The following DLG1 variants were observed in gnomAD, a reference collection of about 807,000 sequenced individuals.
DLG1 encodes the protein discs large MAGUK scaffold protein 1.
Under a neutral mutation model 123.4 loss-of-function variants are expected in DLG1, and 42 were observed. The observed-to-expected ratio is 0.34, with a 90% confidence interval of 0.27 to 0.44. DLG1 has a LOEUF of 0.44. Among genes scored for constraint, DLG1 ranks in the 20% least tolerant of loss-of-function variants. DLG1 has a pLI of 1.00. For synonymous variants in DLG1, 317 were observed against 356.2 expected (o/e 0.89, Z 1.24); for missense variants, 942 against 1,082.6 (o/e 0.87, Z 1.82).
At chr3:197,283,527 C>A (rs967860082) in intron 3 of DLG1, among the ~76,000 whole-genome samples, 1 of 152,102 alleles carries the variant, frequency 6.6e-6, no homozygotes. Flanking sequence ...TATAATAGCA[C>A]AGGATAATTT....
At chr3:197,218,231 G>T (rs1735057790) in intron 4 of DLG1, among the ~76,000 whole-genome samples, 1 of 152,148 alleles carries the variant, frequency 6.6e-6, no homozygotes, top group South Asian at 2.1e-4. Context: ...AGAGCATGAT[G>T]AAATTTATAA....
chr3:197,291,461 T>C (rs1320443429), intron 3 of DLG1, among the ~76,000 whole-genome samples: 2 of 152,306 alleles, frequency 1.3e-5, no homozygotes, highest in East Asian at 3.9e-4. Flanking sequence ...CTAAACACTG[T>C]TTTCAAAATG....
rs535698343 is a variant in DLG1, at chr3:197,272,036, A to G, written c.318+10643T>C. Among the ~76,000 whole-genome samples the G allele has an allele frequency of 1.1e-3, 173 of 152,312 alleles. 1 individual carries two copies. The highest frequency in any genetic ancestry group is 2.1e-3 in the Non-Finnish European group (142 of 68,022). ...ACACTCCTCTACAACTGGTGCTACT[A>G]TAAGTTCTCATCCAATTTCAGATAG... On this transcript the variant is annotated intron_variant, in intron 4 of 24. Transcript: ENST00000667157.
chr3:197,093,562 GCTTT>G (rs996880264), intron 14 of DLG1, among the ~76,000 whole-genome samples: 3 of 85,298 alleles, frequency 3.5e-5, no homozygotes, highest in African/African-American at 1.2e-4. Flanking sequence ...TGTCATCCAC[GCTTT>G]TTTTTTTTTT....
chr3:197,287,242 T>C (rs1430831982), intron 3 of DLG1, among the ~76,000 whole-genome samples: 1 of 152,050 alleles, frequency 6.6e-6, no homozygotes, highest in Non-Finnish European at 1.5e-5. Flanking sequence ...TTCTGTAAAT[T>C]CAAAACTGCT....
chr3:197,169,696 C>T (rs748117887), intron 5 of DLG1, among the ~76,000 whole-genome samples: 18 of 152,188 alleles, frequency 1.2e-4, no homozygotes, highest in East Asian at 3.9e-4. Flanking sequence ...TACATTAACA[C>T]GTTATATGAA....
At chr3:197,157,768 C>G (rs1199255744) in intron 5 of DLG1, among the ~76,000 whole-genome samples, 1 of 152,088 alleles carries the variant, frequency 6.6e-6, no homozygotes, top group African/African-American at 2.4e-5. Flanking sequence ...AGGTGGCGGG[C>G]TAACACTTCC....
chr3:197,276,964 T>C (rs1312700389), intron 4 of DLG1, among the ~76,000 whole-genome samples: 2 of 152,108 alleles, frequency 1.3e-5, no homozygotes, highest in Admixed American at 6.5e-5. Flanking sequence ...CGATCTTGGC[T>C]CACTCCAGCC....
At chr3:197,138,011 T>C (rs1034283521) in intron 9 of DLG1, among the ~76,000 whole-genome samples, 7 of 151,768 alleles carry the variant, frequency 4.6e-5, no homozygotes, top group Admixed American at 4.6e-4. Flanking sequence ...AAAGGAACTT[T>C]TCAAATGCTG....
At chr3:197,297,777 C>G (rs1387923872) in intron 1 of DLG1, 3 of 985,608 alleles carry the variant, frequency 3.0e-6, no homozygotes, top group Non-Finnish European at 3.6e-6. Flanking sequence ...CTCCGCGGGC[C>G]CCCACACCTG....
At chr3:197,196,171 CA>C (rs71162001) in intron 4 of DLG1, among the ~76,000 whole-genome samples, 9,466 of 88,678 alleles carry the variant, frequency 0.11, 149 homozygotes, top group African/African-American at 0.11. Flanking sequence ...AAATGCACAC[CA>C]AAAAAAAAAA....
At chr3:197,068,945 T>C (rs1741582864) in intron 19 of DLG1, among the ~76,000 whole-genome samples, 1 of 152,150 alleles carries the variant, frequency 6.6e-6, no homozygotes, top group South Asian at 2.1e-4. Context: ...CCCATTTAAC[T>C]AGATATTTAC....
intron 4 of DLG1, among the ~76,000 whole-genome samples, chr3:197,210,705 T>C (rs1455251958): frequency 7.0e-6 from 1 of 143,370 alleles, no homozygotes; most frequent in Non-Finnish European, 1.6e-5. Flanking sequence ...CCAAAATTCT[T>C]CCCACTGAGA....
chr3:197,115,829 AT>A (rs1199687610), intron 13 of DLG1, 97 bp downstream of exon 13: 8 of 1,162,260 alleles, frequency 6.9e-6, no homozygotes, highest in African/African-American at 1.6e-5. Flanking sequence ...TAACCAAGAT[AT>A]CCCCATTACT....
chr3:197,176,766 T>A (rs575342599), intron 5 of DLG1, among the ~76,000 whole-genome samples: 1 of 152,218 alleles, frequency 6.6e-6, no homozygotes, highest in South Asian at 2.1e-4. Flanking sequence ...TATAAACATC[T>A]CTGTACAGGT....
chr3:197,078,609 A>C (rs1441412769), intron 17 of DLG1: 1 of 152,188 alleles, frequency 6.6e-6, no homozygotes, highest in Non-Finnish European at 1.5e-5. Context: ...ATCTGGGCTT[A>C]TAACTATTTT....
chr3:197,163,675 C>T (rs1335823783), intron 5 of DLG1, among the ~76,000 whole-genome samples: 3 of 148,938 alleles, frequency 2.0e-5, no homozygotes, highest in African/African-American at 7.5e-5. Context: ...GCACCTGCCA[C>T]CATGCTCAGC....
chr3:197,232,577 A>G (rs1473593591), intron 4 of DLG1, among the ~76,000 whole-genome samples: 1 of 152,162 alleles, frequency 6.6e-6, no homozygotes, highest in Non-Finnish European at 1.5e-5. Flanking sequence ...CTAACCTACT[A>G]GATCCAAATC....
chr3:197,296,952 T>TTG, intron 2 of DLG1: 1 of 489,278 alleles, frequency 2.0e-6, no homozygotes, highest in East Asian at 4.1e-5. Flanking sequence ...AGGACATCTG[T>TTG]TGGGGGGGGG....
Sources: allele counts gnomAD v4.1 joint callset (sites outside exome capture counted in the v4.1 genomes callset), GRCh38; gene constraint gnomAD v4.1.1; transcripts MANE v1.5; gene names NCBI Gene and HGNC (gene_info 2026-07-23, HGNC 2026-07-21).